The following CHAT variants were observed in gnomAD, a reference collection of about 807,000 sequenced individuals.
CHAT encodes the protein acetyl CoA:choline O-acetyltransferase.
In CHAT, 61 loss-of-function variants were observed where a neutral mutation model predicts 76.9. The ratio of observed to expected loss-of-function variants is 0.79; its 90% CI spans 0.65 to 0.98. CHAT has a LOEUF of 0.98. Among genes scored for constraint, CHAT ranks in the 50% least tolerant of loss-of-function variants. The pLI is 0.00. For synonymous variants in CHAT, 407 were observed against 397.4 expected (o/e 1.02, Z -0.29); for missense variants, 946 against 986.9 (o/e 0.96, Z 0.56).
chr10:49,652,543 C>G (rs1839913759), intron 11 of CHAT, among the ~76,000 whole-genome samples: 1 of 152,174 alleles, frequency 6.6e-6, no homozygotes, highest in Non-Finnish European at 1.5e-5. Context: ...TGCCATTGGC[C>G]CCTCCCAGGC....
In CHAT at chr10:49,655,121, A is replaced by G. The variant is rs778572568; in HGVS notation, c.1661A>G (p.Tyr554Cys). 14 of 1,613,926 alleles carry G rather than the reference A, an allele frequency of 8.7e-6. No homozygotes were observed. The highest frequency in any genetic ancestry group is 1.0e-5 in the Non-Finnish European group (12 of 1,179,964). ...YRLHRRLVPT[Y>C]ESASIRRFQE... Reference sequence around the variant, plus strand: ...CTCCATCGAAGACTGGTGCCCACCTACGAGAGCGCGTCCATCCGCCGATTC... The same window carrying G: ...CTCCATCGAAGACTGGTGCCCACCTGCGAGAGCGCGTCCATCCGCCGATTC... The change falls in exon 12 of 15, where the codon TAC becomes TGC. Residue 554 changes from tyrosine (Y) to cysteine (C), a missense_variant. Physicochemically the swap from Tyr to Cys is radical, Grantham distance 194. Coordinates refer to ENST00000337653, the MANE Select transcript of CHAT (RefSeq NM_020549.5).
rs80218033 is a variant in CHAT at position 49,653,509 on chromosome 10, C to T, written c.1634+1503C>T. ...AGGGCAAGGCATTCTCACTAATGAA[C>T]AGGCAGCACCCGTGTAGACACAGCA... On this transcript the variant is annotated intron_variant, in intron 11 of 14. Transcript: ENST00000337653. Among the ~76,000 whole-genome samples, 508 of 152,304 alleles carry T rather than the reference C, an allele frequency of 3.3e-3. 2 individuals carry two copies. Among genetic ancestry groups the T allele is most frequent in the African/African-American group, 0.011 (465 of 41,564 alleles).
rs1840333817 is a variant in CHAT, at chr10:49,666,064, AC to A, written c.*1021del. ...AGAAATTCTTAGTGATTCAAGCAGG[AC>A]CCTTAGGCAGCTGGGCTCCTTTATT... On this transcript the variant is annotated 3_prime_UTR_variant, in exon 15 of 15. Transcript: ENST00000337653. Among the ~76,000 whole-genome samples the A allele has an allele frequency of 6.6e-6, 1 of 152,182 alleles. No individual in the cohort carries two copies. Among genetic ancestry groups the A allele is most frequent in the Non-Finnish European group, 1.5e-5 (1 of 68,028 alleles).
chr10:49,655,203 G>A lies in CHAT; in HGVS notation c.1743G>A (p.Val581=). ...RSATPEALAF[V]RAVTDHKAAV... is the part of the protein sequence containing the mutation. Reference sequence around the variant, plus strand: ...CCACTCCAGAGGCACTGGCTTTTGTGAGAGCCGTGACTGACCACAAGGCTG... The same window carrying A: ...CCACTCCAGAGGCACTGGCTTTTGTAAGAGCCGTGACTGACCACAAGGCTG... The change falls in exon 12 of 15, where the codon GTG becomes GTA. Residue 581 remains valine, a synonymous_variant. Coordinates refer to ENST00000337653, the MANE Select transcript of CHAT (RefSeq NM_020549.5). The A allele has an allele frequency of 6.2e-7, 1 of 1,614,062 alleles. No individual in the cohort carries two copies. Among genetic ancestry groups the A allele is most frequent in the Non-Finnish European group, 8.5e-7 (1 of 1,180,034 alleles).
At chr10:49,610,829 G>T (rs369238625), upstream of CHAT, 11 of 1,608,306 alleles carry the variant, frequency 6.8e-6, no homozygotes, top group South Asian at 1.1e-5. Context: ...GAGCCCCGGC[G>T]GCAGAGGCGC....
chr10:49,638,816 T>A (rs1353615841), intron 7 of CHAT, among the ~76,000 whole-genome samples: 7 of 152,228 alleles, frequency 4.6e-5, no homozygotes, highest in African/African-American at 1.7e-4. Context: ...TGAAACACAG[T>A]TTAGAAGACT....
At chr10:49,630,787 T>A (rs555975124) in intron 7 of CHAT, among the ~76,000 whole-genome samples, 1 of 151,766 alleles carries the variant, frequency 6.6e-6, no homozygotes, top group Non-Finnish European at 1.5e-5. Flanking sequence ...TGGTACAGGG[T>A]GAAGTGGAAA....
At position 49,665,963 on chromosome 10, in the gene CHAT, GTTACT is replaced by G. The variant is rs1840332045; in HGVS notation, c.*920_*924del. Among the ~76,000 whole-genome samples, 1 of 152,156 alleles carries G rather than the reference GTTACT, an allele frequency of 6.6e-6. No individual in the cohort carries two copies. Among genetic ancestry groups the G allele is most frequent in the South Asian group, 2.1e-4 (1 of 4,824 alleles). ...ATGCTCCAGTAGGTGAAGAGAGATG[GTTACT>G]TTGGGTTTTTCCATTATCTGTTTTG... is the stretch of plus-strand genomic sequence containing the variant. On this transcript the variant is annotated 3_prime_UTR_variant, in exon 15 of 15. Coordinates refer to ENST00000337653, the MANE Select transcript of CHAT (RefSeq NM_020549.5).
At chr10:49,628,103 G>C (rs773980294) in intron 7 of CHAT, among the ~76,000 whole-genome samples, 2 of 152,062 alleles carry the variant, frequency 1.3e-5, no homozygotes, top group Non-Finnish European at 2.9e-5. Context: ...TGTTTTCCTG[G>C]TGGGTGGCGC....
At chr10:49,610,545 G>A (rs1187604225), upstream of CHAT, 1 of 531,450 alleles carries the variant, frequency 1.9e-6, no homozygotes, top group East Asian at 3.3e-5. Flanking sequence ...GCTAAGAGTA[G>A]CTGCAACGCC....
chr10:49,627,890 T>C, intron 7 of CHAT, 105 bp downstream of exon 7: 2 of 1,351,664 alleles, frequency 1.5e-6, no homozygotes, highest in Non-Finnish European at 2.0e-6. Flanking sequence ...TCAGCCATAG[T>C]GTGGGAGCTC....
At chr10:49,647,016 G>A in intron 8 of CHAT, 1 of 405,378 alleles carries the variant, frequency 2.5e-6, no homozygotes, top group South Asian at 2.4e-5. Flanking sequence ...TGAGGTGGGG[G>A]TGTGCCAGGA....
At chr10:49,616,889 T>C (rs1838518341) in intron 2 of CHAT, among the ~76,000 whole-genome samples, 1 of 152,168 alleles carries the variant, frequency 6.6e-6, no homozygotes, top group African/African-American at 2.4e-5. Context: ...CCTCTCTTCA[T>C]CCCAGCTTCC....
intron 1 of CHAT, chr10:49,616,055 G>A (rs1838480317): frequency 6.2e-7 from 1 of 1,613,954 alleles, no homozygotes; most frequent in African/African-American, 1.3e-5. Flanking sequence ...CACCAGAGAT[G>A]TGGCCGGAAT....
Position 49,664,850 on chromosome 10 carries a change from C to G in CHAT, c.2051C>G (p.Pro684Arg). 6.2e-7 allele frequency: 1 copy of G among 1,614,230 alleles called. No individual in the cohort carries two copies. The highest frequency in any genetic ancestry group is 1.1e-5 in the South Asian group (1 of 91,084). The change falls in exon 15 of 15, where the codon CCC becomes CGC. Residue 684 changes from proline to arginine, a missense_variant. By Grantham distance (103) the Pro-to-Arg change is moderately radical (BLOSUM62 -2). Coordinates refer to ENST00000337653, the MANE Select transcript of CHAT (RefSeq NM_020549.5). The stretch of plus-strand genomic sequence containing the variant: ...AATGGGTATGGTGCCTGCTACAACC[C>G]CCAGCCAGAGACCATCCTTTTCTGC... ...VPNGYGACYN[P>R]QPETILFCIS...
At chr10:49,622,275 C>T in intron 5 of CHAT, 125 bp downstream of exon 5, 1 of 1,039,984 alleles carries the variant, frequency 9.6e-7, no homozygotes, top group Non-Finnish European at 1.5e-6. Flanking sequence ...GAGCAGATGT[C>T]CCTGCCCCAA....
chr10:49,646,165 TG>T (rs1467826767), intron 7 of CHAT, among the ~76,000 whole-genome samples: 1 of 152,250 alleles, frequency 6.6e-6, no homozygotes, highest in Non-Finnish European at 1.5e-5. Context: ...CTTCCACTGA[TG>T]TGGGCTGACA....
upstream of CHAT, chr10:49,611,259 G>A (rs142259945): frequency 1.5e-5 from 24 of 1,612,686 alleles, no homozygotes; most frequent in South Asian, 2.2e-5. Context: ...CCTTCGCCGA[G>A]GACTACGCCA....
chr10:49,611,028 C>T, upstream of CHAT: 1 of 1,613,964 alleles, frequency 6.2e-7, no homozygotes, highest in Non-Finnish European at 8.5e-7. Context: ...ACACGGCCAA[C>T]ACCTCGGCGT....
Sources: allele counts gnomAD v4.1 joint callset (sites outside exome capture counted in the v4.1 genomes callset), GRCh38; gene constraint gnomAD v4.1.1; transcripts MANE v1.5; gene names NCBI Gene and HGNC (gene_info 2026-07-23, HGNC 2026-07-21).